Variants in ZMYND15 observed in about 807,000 individuals in gnomAD.
ZMYND15 encodes zinc finger MYND-type containing 15, also known as zinc finger MYND domain-containing protein 15.
ZMYND15 carries 54 observed loss-of-function variants against 81.7 expected under a neutral mutation model. The ratio of observed to expected loss-of-function variants is 0.66; its 90% CI spans 0.53 to 0.83. The LOEUF (loss-of-function observed/expected upper bound fraction) is 0.83. Among genes scored for constraint, ZMYND15 ranks in the 40% least tolerant of loss-of-function variants. The pLI is 0.00. For missense variants in ZMYND15, 925 were observed against 973.5 expected (o/e 0.95, Z 0.66); for synonymous variants, 399 against 387.0 (o/e 1.03, Z -0.36).
rs376879490 is a variant in ZMYND15, at chr17:4,744,980, C to A, written c.1896+52C>A. ...TCTCTCCCCTCCTGCCTGGCCCCTC[C>A]CCATCTCCTTTTCTGAAAGTCTCTG... On this transcript the variant is annotated intron_variant, in intron 12 of 13. Coordinates refer to ENST00000433935, the MANE Select transcript of ZMYND15 (RefSeq NM_001136046.3). This position sits in a 1 kb window ranked among gnomAD's most constrained non-coding sequence, Gnocchi z 4.1. 4.9e-4 allele frequency: 794 copies of A among 1,608,882 alleles called. No individual in the cohort carries two copies. The highest frequency in any genetic ancestry group is 6.4e-4 in the Non-Finnish European group (747 of 1,175,676).
rs533684807 is a variant in ZMYND15 at position 4,745,735 on chromosome 17, GCCCCTGGGAGCCCCGA to G, written c.2058-72_2058-57del. 328 of 776,508 alleles carry G rather than the reference GCCCCTGGGAGCCCCGA, an allele frequency of 4.2e-4. 3 individuals are homozygous for G. In the South Asian group the frequency reaches 5.4e-3, roughly 13 times the overall value. 48.1% of individuals were successfully genotyped at this position (776,508 alleles called of 1,614,324 possible). On this transcript the variant is annotated intron_variant, in intron 13 of 13. Coordinates refer to ENST00000433935, the MANE Select transcript of ZMYND15 (RefSeq NM_001136046.3). This position sits in a 1 kb window ranked among gnomAD's most constrained non-coding sequence, Gnocchi z 5.2. Reference sequence around the variant, plus strand: ...GCCCCGCCCCCTGGTCCCTGACCGCGCCCCTGGGAGCCCCGACCCCTGGGAGCGCCGACCCCTGGGA... The same window carrying G: ...GCCCCGCCCCCTGGTCCCTGACCGCGCCCCTGGGAGCGCCGACCCCTGGGA...
chr17:4,740,207 CCCTCTCT>C, intron 1 of ZMYND15, 157 bp downstream of exon 1: 2 of 510,186 alleles, frequency 3.9e-6, no homozygotes, highest in Non-Finnish European at 5.2e-6. Context: ...ATAGGATTAG[CCCTCTCT>C]CCTCTCTAGC....
chr17:4,741,683 A>T lies in ZMYND15; in HGVS notation c.694A>T (p.Ser232Cys). ...LLVDGAQGTA[S>C]WGSGTKDLAP... ...AGTGGATGGAGCCCAGGGAACCGCAAGCTGGGGCTCAGGGACCAAGGACCT... is the reference window on the plus strand; with the variant it reads ...AGTGGATGGAGCCCAGGGAACCGCATGCTGGGGCTCAGGGACCAAGGACCT... The change falls in exon 3 of 14, where the codon AGC becomes TGC. Residue 232 changes from serine to cysteine, a missense_variant. By Grantham distance (112) the Ser-to-Cys change is moderately radical. Coordinates refer to ENST00000433935, the MANE Select transcript of ZMYND15 (RefSeq NM_001136046.3). 6.2e-7 allele frequency: 1 copy of T among 1,614,154 alleles called. No individual in the cohort carries two copies. Among genetic ancestry groups the T allele is most frequent in the South Asian group, 1.1e-5 (1 of 91,076 alleles).
At chr17:4,740,490 C>A (rs1916343794) in intron 1 of ZMYND15, 29 bp from the exon 2 acceptor site, 2 of 1,509,932 alleles carry the variant, frequency 1.3e-6, no homozygotes, top group East Asian at 2.3e-5. Context: ...CTCTCCTGTC[C>A]CTCACCATAT....
rs1030273625 is a variant in ZMYND15, at chr17:4,743,195, C to T, written c.1145-108C>T. The T allele has an allele frequency of 4.0e-5, 53 of 1,323,230 alleles. No individual in the cohort carries two copies. Among genetic ancestry groups the T allele is most frequent in the African/African-American group, 7.4e-5 (5 of 67,214 alleles). 82.0% of individuals were successfully genotyped at this position (1,323,230 alleles called of 1,614,324 possible). On this transcript the variant is annotated intron_variant, in intron 5 of 13. Transcript: ENST00000433935. This position sits in a 1 kb window ranked among gnomAD's most constrained non-coding sequence, Gnocchi z 4.3. ...TCGAGGCTGTAGTGTCCCGTGATCACGCCACTGCACTCTAGCTTGGGTGAT... is the reference window on the plus strand; with the variant it reads ...TCGAGGCTGTAGTGTCCCGTGATCATGCCACTGCACTCTAGCTTGGGTGAT...
chr17:4,745,735 G>GCCCCTGGGAGCCCCGC lies in ZMYND15; in HGVS notation c.2058-69_2058-68insCCCCCTGGGAGCCCCG, dbSNP rs1916636468. 1 of 775,946 alleles carries GCCCCTGGGAGCCCCGC rather than the reference G, an allele frequency of 1.3e-6. No homozygotes were observed. The highest frequency in any genetic ancestry group is 1.9e-6 in the Non-Finnish European group (1 of 523,572). 48.1% of individuals were successfully genotyped at this position (775,946 alleles called of 1,614,324 possible). A position where few individuals can be genotyped will look rare whatever the true frequency, so the allele number is the denominator to read the frequency against. On this transcript the variant is annotated intron_variant, in intron 13 of 13. Transcript: ENST00000433935. This position sits in a 1 kb window ranked among gnomAD's most constrained non-coding sequence, Gnocchi z 5.2. Reference sequence around the variant, plus strand: ...GCCCCGCCCCCTGGTCCCTGACCGCGCCCCTGGGAGCCCCGACCCCTGGGA... The same window carrying GCCCCTGGGAGCCCCGC: ...GCCCCGCCCCCTGGTCCCTGACCGCGCCCCTGGGAGCCCCGCCCCCTGGGAGCCCCGACCCCTGGGA...
At position 4,745,700 on chromosome 17, in the gene ZMYND15, G is replaced by GCGC. The variant is rs1164623272; in HGVS notation, c.2058-118_2058-117insGCC. On this transcript the variant is annotated intron_variant, in intron 13 of 13. Coordinates refer to ENST00000433935, the MANE Select transcript of ZMYND15 (RefSeq NM_001136046.3). This position sits in a 1 kb window ranked among gnomAD's most constrained non-coding sequence, Gnocchi z 5.2. ...AAGCCCCGCCCCCTGGTCCCTGACC[G>GCGC]CCCGGTGGAGCCCCGCCCCCTGGTC... 1.2e-4 allele frequency: 62 copies of GCGC among 525,444 alleles called. No individual in the cohort carries two copies. Among genetic ancestry groups the GCGC allele is most frequent in the Non-Finnish European group, 1.6e-4 (52 of 323,454 alleles). The allele number at this position is 525,444 out of a possible 1,614,324, so 32.5% of individuals were successfully genotyped here.
intron 5 of ZMYND15, 95 bp downstream of exon 5, chr17:4,742,586 G>C (rs1916475497): frequency 5.3e-6 from 8 of 1,501,708 alleles, no homozygotes; most frequent in Non-Finnish European, 7.2e-6. Flanking sequence ...GCAGTTGAAG[G>C]CTGAGTGTCT....
chr17:4,746,104 T>G lies in ZMYND15; in HGVS notation c.*114T>G, dbSNP rs576777359. 7 of 1,161,988 alleles carry G rather than the reference T, an allele frequency of 6.0e-6. No individual in the cohort carries two copies. The highest frequency in any genetic ancestry group is 7.9e-6 in the Non-Finnish European group (7 of 881,014). 72.0% of individuals were successfully genotyped at this position (1,161,988 alleles called of 1,614,324 possible). On this transcript the variant is annotated 3_prime_UTR_variant, in exon 14 of 14. Coordinates refer to ENST00000433935, the MANE Select transcript of ZMYND15 (RefSeq NM_001136046.3). ...AACATGAAAAGGTAAATAAAATTAC[T>G]TGTTTGAAACCACTGAGTCATGGAT... is the stretch of plus-strand genomic sequence containing the variant.
At position 4,743,972 on chromosome 17, in the gene ZMYND15, A is replaced by G; in HGVS notation, c.1379-19A>G. ...GTGGGGGTCCAGGGCCAGGTCCTCTAGCAACCCTCTCCTGCCAGGCTCATG... is the reference window on the plus strand; with the variant it reads ...GTGGGGGTCCAGGGCCAGGTCCTCTGGCAACCCTCTCCTGCCAGGCTCATG... On this transcript the variant is annotated intron_variant, in intron 7 of 13. Transcript: ENST00000433935. The surrounding 1 kb of genome is among the most constrained non-coding windows in gnomAD (Gnocchi z 4.3). The G allele has an allele frequency of 6.4e-7, 1 of 1,555,078 alleles. No homozygotes were observed. Among genetic ancestry groups the G allele is most frequent in the Non-Finnish European group, 8.7e-7 (1 of 1,148,098 alleles).
intron 2 of ZMYND15, 24 bp downstream of exon 2, chr17:4,741,164 C>A (rs1321602091): frequency 7.1e-7 from 1 of 1,414,534 alleles, no homozygotes. Context: ...GCTGGCCCTG[C>A]CCTACCCCTT....
chr17:4,743,734 G>T lies in ZMYND15; in HGVS notation c.1298-33G>T. ...AGATGGGTCAGGTGGGGGTCTCCCTGACCCCAGGCCCCTCCTTCTTTCATC... is the reference window on the plus strand; with the variant it reads ...AGATGGGTCAGGTGGGGGTCTCCCTTACCCCAGGCCCCTCCTTCTTTCATC... On this transcript the variant is annotated intron_variant, in intron 6 of 13. Transcript: ENST00000433935. This position sits in a 1 kb window ranked among gnomAD's most constrained non-coding sequence, Gnocchi z 4.3. The T allele has an allele frequency of 6.3e-7, 1 of 1,595,046 alleles. No individual in the cohort carries two copies. Among genetic ancestry groups the T allele is most frequent in the South Asian group, 1.1e-5 (1 of 88,782 alleles).
In ZMYND15 at chr17:4,744,015, G is replaced by A. The variant is rs781374103; in HGVS notation, c.1403G>A (p.Trp468Ter). ...GGCTCATGGCAGGATTACTACACAT[G>A]GCGGGGCCTCAGCTTGGACTCCCCC... ...VFGSWQDYYT[W>*]RGLSLDSPIA... is the part of the protein sequence containing the mutation. Residue 468 changes from tryptophan (W) to a stop codon, truncating the protein, a stop_gained, in exon 8 of 14, where the codon TGG becomes TAG. Transcript: ENST00000433935. LOFTEE classifies it high-confidence loss of function. The surrounding 1 kb of genome is among the most constrained non-coding windows in gnomAD (Gnocchi z 4.1). 6.4e-7 allele frequency: 1 copy of A among 1,553,176 alleles called. No homozygotes were observed. The highest frequency in any genetic ancestry group is 8.7e-7 in the Non-Finnish European group (1 of 1,147,532).
Position 4,740,026 on chromosome 17 carries a change from C to T in ZMYND15, c.-55C>T. 2 of 985,540 alleles carry T rather than the reference C, an allele frequency of 2.0e-6. No individual in the cohort carries two copies. Among genetic ancestry groups the T allele is most frequent in the Non-Finnish European group, 1.2e-6 (1 of 830,044 alleles). 61.0% of individuals were successfully genotyped at this position (985,540 alleles called of 1,614,324 possible). A position where few individuals can be genotyped will look rare whatever the true frequency, so the allele number is the denominator to read the frequency against. On this transcript the variant is annotated 5_prime_UTR_variant, in exon 1 of 14. Coordinates refer to ENST00000433935, the MANE Select transcript of ZMYND15 (RefSeq NM_001136046.3). ...GCACCCTCCACCGCGAGGTATTTACCTTCGAAAAGTGGTGGCGGCTGCAGG... is the reference window on the plus strand; with the variant it reads ...GCACCCTCCACCGCGAGGTATTTACTTTCGAAAAGTGGTGGCGGCTGCAGG...
chr17:4,745,817 A>G lies in ZMYND15; in HGVS notation c.2058-2A>G. The G allele has an allele frequency of 1.9e-6, 3 of 1,585,888 alleles. No individual in the cohort carries two copies. Among genetic ancestry groups the G allele is most frequent in the Non-Finnish European group, 2.6e-6 (3 of 1,168,708 alleles). The stretch of plus-strand genomic sequence containing the variant: ...CCCTGACTGCGCCCCGCGCCCCCGC[A>G]GGTACTGCAATGCCTTCATCTTCCA... On this transcript the variant is annotated splice_acceptor_variant, in intron 13 of 13. Transcript: ENST00000433935. LOFTEE classifies it high-confidence loss of function. The surrounding 1 kb of genome is among the most constrained non-coding windows in gnomAD (Gnocchi z 5.2).
rs759430689 is a variant in ZMYND15, at chr17:4,744,758, C to G, written c.1817C>G (p.Pro606Arg). 1.2e-6 allele frequency: 2 copies of G among 1,614,122 alleles called. No individual in the cohort carries two copies. The highest frequency in any genetic ancestry group is 1.1e-5 in the South Asian group (1 of 91,084). Residue 606 changes from proline (P) to arginine (R), a missense_variant, in exon 11 of 14, where the codon CCC (proline) becomes CGC (arginine). Coordinates refer to ENST00000433935, the MANE Select transcript of ZMYND15 (RefSeq NM_001136046.3). The surrounding 1 kb of genome is among the most constrained non-coding windows in gnomAD (Gnocchi z 4.1). Reference sequence around the variant, plus strand: ...AGGCCCTACCACCTGTTCCAGGGGCCCAAGCCTGACCTGGTTATTGGTAAA... The same window carrying G: ...AGGCCCTACCACCTGTTCCAGGGGCGCAAGCCTGACCTGGTTATTGGTAAA... ...SARPYHLFQG[P>R]KPDLVIGFNS... is the part of the protein sequence containing the mutation.
At chr17:4,740,236 C>G in intron 1 of ZMYND15, 186 bp downstream of exon 1, 1 of 564,088 alleles carries the variant, frequency 1.8e-6, no homozygotes, top group South Asian at 6.7e-5. Context: ...TTAATTTAAA[C>G]TCTGCTTTTG....
In ZMYND15 at chr17:4,745,735, G is replaced by A. The variant is rs532504444; in HGVS notation, c.2058-84G>A. On this transcript the variant is annotated intron_variant, in intron 13 of 13. Coordinates refer to ENST00000433935, the MANE Select transcript of ZMYND15 (RefSeq NM_001136046.3). The surrounding 1 kb of genome is among the most constrained non-coding windows in gnomAD (Gnocchi z 5.2). ...GCCCCGCCCCCTGGTCCCTGACCGCGCCCCTGGGAGCCCCGACCCCTGGGA... is the reference window on the plus strand; with the variant it reads ...GCCCCGCCCCCTGGTCCCTGACCGCACCCCTGGGAGCCCCGACCCCTGGGA... 5.2e-6 allele frequency: 4 copies of A among 776,514 alleles called. No homozygotes were observed. The highest frequency in any genetic ancestry group is 4.2e-5 in the South Asian group (2 of 47,422). The allele number at this position is 776,514 out of a possible 1,614,324, so 48.1% of individuals were successfully genotyped here. A position where few individuals can be genotyped will look rare whatever the true frequency, so the allele number is the denominator to read the frequency against.
chr17:4,745,044 T>C lies in ZMYND15; in HGVS notation c.1896+116T>C. 1 of 1,544,196 alleles carries C rather than the reference T, an allele frequency of 6.5e-7. No homozygotes were observed. The highest frequency in any genetic ancestry group is 1.1e-5 in the South Asian group (1 of 87,894). On this transcript the variant is annotated intron_variant, in intron 12 of 13. Coordinates refer to ENST00000433935, the MANE Select transcript of ZMYND15 (RefSeq NM_001136046.3). The surrounding 1 kb of genome is among the most constrained non-coding windows in gnomAD (Gnocchi z 5.2). ...TTCACCATCACCTGCTCCACAAACC[T>C]GGGGAGTGCCCACGGGTCCCCCTGC...
Sources: allele counts gnomAD v4.1 joint callset, GRCh38; gene constraint gnomAD v4.1.1; non-coding constraint Gnocchi (gnomAD v3.1); transcripts MANE v1.5; gene names NCBI Gene and HGNC (gene_info 2026-07-23, HGNC 2026-07-21).